CALCRL: variants seen among roughly 807,000 people sequenced by gnomAD.
CALCRL encodes calcitonin gene-related peptide type 1 receptor.
A neutral mutation model predicts 60.4 loss-of-function variants in CALCRL; 27 were observed. The observed-to-expected ratio is 0.45, with a 90% CI of 0.33 to 0.62. CALCRL has a LOEUF of 0.62. CALCRL is among the 20% of genes least tolerant of loss of function. CALCRL has a pLI of 0.03. For missense variants in CALCRL, 424 were observed against 540.7 expected (o/e 0.78, Z 2.14); for synonymous variants, 190 against 182.6 (o/e 1.04, Z -0.33).
At chr2:187,402,316 T>G (rs1052819183) in intron 1 of CALCRL, among the ~76,000 whole-genome samples, 1 of 151,778 alleles carries the variant, frequency 6.6e-6, no homozygotes, top group Non-Finnish European at 1.5e-5. Flanking sequence ...TAGAATGATA[T>G]GTACAAATAT....
At chr2:187,363,253 T>C (rs1478115908) in intron 9 of CALCRL, 123 bp downstream of exon 9, 2 of 913,616 alleles carry the variant, frequency 2.2e-6, no homozygotes, top group Non-Finnish European at 3.1e-6. Context: ...AAAATATATA[T>C]ATATGTCAGA....
At chr2:187,403,224 A>T (rs1193128027) in intron 1 of CALCRL, among the ~76,000 whole-genome samples, 2 of 151,950 alleles carry the variant, frequency 1.3e-5, no homozygotes, top group African/African-American at 4.8e-5. Context: ...GTGTATAAGG[A>T]TGTGAGAGCT....
chr2:187,421,106 A>C (rs1466478927), intron 1 of CALCRL, among the ~76,000 whole-genome samples: 3 of 152,164 alleles, frequency 2.0e-5, no homozygotes, highest in Non-Finnish European at 4.4e-5. Context: ...TCATCTGAAA[A>C]TAACTTTATT....
chr2:187,410,328 A>G (rs940678958), intron 1 of CALCRL, among the ~76,000 whole-genome samples: 1 of 152,132 alleles, frequency 6.6e-6, no homozygotes, highest in African/African-American at 2.4e-5. Flanking sequence ...TTTTTTACCA[A>G]ATTGGAGGAA....
intron 1 of CALCRL, among the ~76,000 whole-genome samples, chr2:187,396,054 T>G (rs2105812595): frequency 6.6e-6 from 1 of 150,744 alleles, no homozygotes; most frequent in South Asian, 2.1e-4. Context: ...TGTTGTTGTT[T>G]TTCCTGTGGC....
At chr2:187,373,365 G>A (rs146958333) in intron 8 of CALCRL, among the ~76,000 whole-genome samples, 1 of 151,880 alleles carries the variant, frequency 6.6e-6, no homozygotes, top group Non-Finnish European at 1.5e-5. Context: ...TAAGCTACAC[G>A]GTATCTTCTG....
intron 1 of CALCRL, among the ~76,000 whole-genome samples, chr2:187,413,735 T>C (rs186452551): frequency 4.7e-4 from 72 of 152,304 alleles, no homozygotes; most frequent in African/African-American, 1.5e-3. Context: ...TATATTTCAG[T>C]AGATGTAAAA....
chr2:187,390,170 A>C (rs974382565), intron 1 of CALCRL, among the ~76,000 whole-genome samples: 2 of 152,194 alleles, frequency 1.3e-5, no homozygotes, highest in African/African-American at 4.8e-5. Context: ...TTCAGTTTTG[A>C]ATTTGTGATT....
chr2:187,396,044 T>A (rs1318499830), intron 1 of CALCRL, among the ~76,000 whole-genome samples: 1 of 151,802 alleles, frequency 6.6e-6, no homozygotes, highest in African/African-American at 2.4e-5. Context: ...TTGTTGTTGT[T>A]GTTGTTGTTT....
chr2:187,405,832 T>G (rs1369616570), intron 1 of CALCRL, among the ~76,000 whole-genome samples: 1 of 152,018 alleles, frequency 6.6e-6, no homozygotes, highest in East Asian at 1.9e-4. Context: ...GAGGAATGGC[T>G]GCTGTGTTCC....
At chr2:187,430,518 A>G (rs1690353983) in intron 1 of CALCRL, among the ~76,000 whole-genome samples, 1 of 152,178 alleles carries the variant, frequency 6.6e-6, no homozygotes, top group Non-Finnish European at 1.5e-5. Context: ...TAATTGCATA[A>G]TTAATATTTT....
intron 1 of CALCRL, among the ~76,000 whole-genome samples, chr2:187,399,965 T>C (rs967457822): frequency 6.6e-6 from 1 of 151,324 alleles, no homozygotes; most frequent in Non-Finnish European, 1.5e-5. Flanking sequence ...GAGAGTGATA[T>C]GGAGAGAATG....
intron 1 of CALCRL, among the ~76,000 whole-genome samples, chr2:187,405,765 G>C (rs1250489661): frequency 6.6e-6 from 1 of 152,022 alleles, no homozygotes; most frequent in East Asian, 1.9e-4. Flanking sequence ...GGCTGAAACA[G>C]TAAGAAAGAA....
Position 187,380,437 on chromosome 2 carries a change from G to C in CALCRL, c.408+30C>G, listed in dbSNP as rs778440077. 6.9e-6 allele frequency: 9 copies of C among 1,313,070 alleles called. No homozygotes were observed. In the East Asian group the frequency reaches 2.1e-4, roughly 30 times the overall value. 81.3% of individuals were successfully genotyped at this position (1,313,070 alleles called of 1,614,324 possible). A position where few individuals can be genotyped will look rare whatever the true frequency, so the allele number is the denominator to read the frequency against. The stretch of plus-strand genomic sequence containing the variant: ...GGAGCTGTTTAAACAGATACTGTAA[G>C]TTAAATTTCAATTCAGAATTATGAC... On this transcript the variant is annotated intron_variant, in intron 7 of 14. Coordinates refer to ENST00000392370, the MANE Select transcript of CALCRL (RefSeq NM_005795.6).
rs2105671455 is a variant in CALCRL at position 187,343,823 on chromosome 2, T to G, written c.*2361A>C. The G allele has an allele frequency of 6.6e-6, 1 of 151,688 alleles. No homozygotes were observed. The highest frequency in any genetic ancestry group is 1.9e-4 in the East Asian group (1 of 5,182). 9.4% of individuals were successfully genotyped at this position (151,688 alleles called of 1,614,324 possible). A position where few individuals can be genotyped will look rare whatever the true frequency, so the allele number is the denominator to read the frequency against. On this transcript the variant is annotated 3_prime_UTR_variant, in exon 15 of 15. Coordinates refer to ENST00000392370, the MANE Select transcript of CALCRL (RefSeq NM_005795.6). Reference sequence around the variant, plus strand: ...TTTTGAGAAATCTAACATTTAAAACTATTCTAAAAATATATGGGTACAAAA... The same window carrying G: ...TTTTGAGAAATCTAACATTTAAAACGATTCTAAAAATATATGGGTACAAAA...
intron 1 of CALCRL, among the ~76,000 whole-genome samples, chr2:187,427,522 G>A (rs1690197621): frequency 6.6e-6 from 1 of 152,236 alleles, no homozygotes; most frequent in South Asian, 2.1e-4. Context: ...TATCGTCACT[G>A]CATATAATAT....
intron 1 of CALCRL, among the ~76,000 whole-genome samples, chr2:187,419,603 G>A (rs779074148): frequency 4.6e-5 from 7 of 152,104 alleles, no homozygotes; most frequent in Admixed American, 6.6e-5. Context: ...CAAAAATTTC[G>A]AAAATTTTAT....
intron 6 of CALCRL, 41 bp from the exon 7 acceptor site, chr2:187,380,620 A>AT: frequency 1.3e-6 from 2 of 1,590,212 alleles, no homozygotes; most frequent in Non-Finnish European, 1.7e-6. Flanking sequence ...AATTTAATTA[A>AT]CCTAGGATTT....
At chr2:187,386,341 A>T (rs1039636618) in intron 3 of CALCRL, among the ~76,000 whole-genome samples, 1 of 152,128 alleles carries the variant, frequency 6.6e-6, no homozygotes, top group Non-Finnish European at 1.5e-5. Flanking sequence ...TTAAGGAAGG[A>T]AATTGTTCTC....
Sources: gnomAD v4.1 joint callset for allele counts (sites outside exome capture counted in the v4.1 genomes callset) on GRCh38, gnomAD v4.1.1 for gene constraint, MANE v1.5 for transcripts, NCBI Gene and HGNC (gene_info 2026-07-23, HGNC 2026-07-21) for gene names.